Variants in FXR1 observed in about 807,000 individuals in gnomAD.
FXR1 encodes the protein RNA-binding protein FXR1.
In FXR1, 15 loss-of-function variants were observed where a neutral mutation model predicts 84.0. The ratio of observed to expected loss-of-function variants is 0.18; its 90% confidence interval spans 0.12 to 0.27. The LOEUF (loss-of-function observed/expected upper bound fraction) is 0.27. FXR1 is among the 10% of genes least tolerant of loss of function. The pLI, the probability that FXR1 is intolerant of heterozygous loss-of-function variation, is 1.00. For synonymous variants in FXR1, 245 were observed against 250.7 expected, an observed-to-expected ratio of 0.98 and a Z score of 0.21; for missense variants, 480 against 774.4, an observed-to-expected ratio of 0.62 and a Z score of 4.51.
chr3:180,941,698 G>C (rs1397562704), intron 3 of FXR1, among the ~76,000 whole-genome samples: 1 of 152,092 alleles, frequency 6.6e-6, no homozygotes, highest in Non-Finnish European at 1.5e-5. Context: ...TTTGTTACTT[G>C]TTTTTGTCTT....
At chr3:180,951,811 A>G (rs1029150171) in intron 8 of FXR1, among the ~76,000 whole-genome samples, 2 of 152,232 alleles carry the variant, frequency 1.3e-5, no homozygotes, top group Non-Finnish European at 2.9e-5. Flanking sequence ...TAAATGGCAT[A>G]TATTAGAATA....
intron 1 of FXR1, among the ~76,000 whole-genome samples, chr3:180,923,967 G>GT (rs1236584744): frequency 4.0e-4 from 60 of 150,432 alleles, no homozygotes; most frequent in East Asian, 1.2e-3. Flanking sequence ...TTGAGTTTCT[G>GT]TTTTTTTTTG....
chr3:180,930,838 C>T (rs559338341), intron 1 of FXR1, among the ~76,000 whole-genome samples: 1 of 151,964 alleles, frequency 6.6e-6, no homozygotes, highest in African/African-American at 2.4e-5. Context: ...AGTTCGAGAC[C>T]AGCCTGGCCC....
intron 5 of FXR1, 53 bp from the exon 6 acceptor site, chr3:180,948,668 C>T: frequency 9.7e-7 from 1 of 1,035,172 alleles, no homozygotes; most frequent in Non-Finnish European, 1.5e-6. Flanking sequence ...TGTGACTCTC[C>T]TCTGACTTTA....
At chr3:180,942,485 A>T (rs1721246952) in intron 3 of FXR1, among the ~76,000 whole-genome samples, 1 of 151,542 alleles carries the variant, frequency 6.6e-6, no homozygotes. Flanking sequence ...TAAATCACTC[A>T]CATTTGTTTG....
intron 1 of FXR1, among the ~76,000 whole-genome samples, chr3:180,916,204 A>G (rs1013907676): frequency 2.6e-5 from 4 of 152,218 alleles, no homozygotes; most frequent in Non-Finnish European, 5.9e-5. Context: ...TTTTAAGTGT[A>G]CAGTTGAATG....
intron 1 of FXR1, among the ~76,000 whole-genome samples, chr3:180,913,492 C>G (rs191873497): frequency 6.6e-6 from 1 of 151,898 alleles, no homozygotes; most frequent in Non-Finnish European, 1.5e-5. Flanking sequence ...TATCACTGCC[C>G]CTGTTTTTGG....
rs1033572057 is a variant in FXR1 at position 180,981,586 on chromosome 3, TC to T, written c.*5295del. ...AGAGGCTAAGTGACTCACAAAAATC[TC>T]TGATATTGAGGTCTAATGTGAAGGC... On this transcript the variant is annotated 3_prime_UTR_variant, in exon 17 of 17. Transcript: ENST00000357559. 1.3e-5 allele frequency: 2 copies of T among 152,052 alleles called. No homozygotes were observed. Among genetic ancestry groups the T allele is most frequent in the Non-Finnish European group, 2.9e-5 (2 of 67,980 alleles). 9.4% of individuals were successfully genotyped at this position (152,052 alleles called of 1,614,324 possible).
chr3:180,938,298 T>C (rs1024575538), intron 3 of FXR1, among the ~76,000 whole-genome samples: 1 of 152,238 alleles, frequency 6.6e-6, no homozygotes, highest in African/African-American at 2.4e-5. Context: ...TATACTTTTA[T>C]TAACACTGGA....
chr3:180,969,134 T>C (rs1713216519), intron 14 of FXR1, among the ~76,000 whole-genome samples: 1 of 105,122 alleles, frequency 9.5e-6, no homozygotes. Flanking sequence ...ACTTGTTCTT[T>C]GTTTGTTTAG....
chr3:180,935,246 G>A lies in FXR1; in HGVS notation c.198+15G>A, dbSNP rs562203008. On this transcript the variant is annotated intron_variant, in intron 3 of 16. Transcript: ENST00000357559. ...ATGAAGTAGAGGTATGTATTTTTAA[G>A]TTTATTTTCTTGTGTCTATTTTTTT... 2.3e-5 allele frequency: 26 copies of A among 1,128,430 alleles called. No individual in the cohort carries two copies. In the South Asian group the frequency reaches 3.1e-4, roughly 13 times the overall value. 69.9% of individuals were successfully genotyped at this position (1,128,430 alleles called of 1,614,324 possible). A position where few individuals can be genotyped will look rare whatever the true frequency, so the allele number is the denominator to read the frequency against.
chr3:180,958,229 T>TC (rs1367427943), intron 10 of FXR1, among the ~76,000 whole-genome samples: 2 of 152,276 alleles, frequency 1.3e-5, no homozygotes, highest in Admixed American at 1.3e-4. Flanking sequence ...AACTTGATAC[T>TC]CCAAAAGGAA....
At position 180,935,118 on chromosome 3, in the gene FXR1, C is replaced by T. The variant is rs748390361; in HGVS notation, c.105-20C>T. The T allele has an allele frequency of 8.2e-6, 10 of 1,214,760 alleles. No homozygotes were observed. Among genetic ancestry groups the T allele is most frequent in the Middle Eastern group, 1.9e-4 (1 of 5,250 alleles). The allele number at this position is 1,214,760 out of a possible 1,614,324, so 75.2% of individuals were successfully genotyped here. On this transcript the variant is annotated intron_variant, in intron 2 of 16. Coordinates refer to ENST00000357559, the MANE Select transcript of FXR1 (RefSeq NM_005087.4). ...ACTATATATTTTTAAGTTGTTAATA[C>T]ACCTTTTCTAATCCTTCAGTTGGCA...
intron 2 of FXR1, among the ~76,000 whole-genome samples, chr3:180,934,619 A>G (rs1006501890): frequency 6.6e-6 from 1 of 152,244 alleles, no homozygotes; most frequent in Admixed American, 6.5e-5. Flanking sequence ...CAGCTATTCA[A>G]AATAATTGCT....
chr3:180,914,826 CTG>C, intron 1 of FXR1: 1 of 984,936 alleles, frequency 1.0e-6, no homozygotes, highest in Non-Finnish European at 1.2e-6. Context: ...CACTAGCCAC[CTG>C]TGTGTGCACT....
chr3:180,945,446 C>G (rs936745332), intron 3 of FXR1, among the ~76,000 whole-genome samples: 3 of 152,112 alleles, frequency 2.0e-5, no homozygotes, highest in South Asian at 4.1e-4. Context: ...GTTCTGTCAC[C>G]CAGGGTTGAG....
chr3:180,954,113 A>G (rs1338851818), intron 9 of FXR1: 1 of 287,500 alleles, frequency 3.5e-6, no homozygotes, highest in East Asian at 7.1e-5. Context: ...GTTTTTCATC[A>G]GTCTTTTCAT....
Position 180,963,131 on chromosome 3 carries a change from T to G in FXR1, c.1198+41T>G, listed in dbSNP as rs113880919. ...TTTTTTTTTTTTTTGGTAATAGTAA[T>G]AATAGTAGTTATAGTTTAGGTGCTC... On this transcript the variant is annotated intron_variant, in intron 13 of 16. Coordinates refer to ENST00000357559, the MANE Select transcript of FXR1 (RefSeq NM_005087.4). The G allele has an allele frequency of 4.0e-5, 31 of 781,880 alleles. No homozygotes were observed. In the African/African-American group the frequency reaches 4.3e-4, roughly 11 times the overall value. 48.4% of individuals were successfully genotyped at this position (781,880 alleles called of 1,614,324 possible). A position where few individuals can be genotyped will look rare whatever the true frequency, so the allele number is the denominator to read the frequency against.
chr3:180,952,951 G>A (rs1722383516), intron 8 of FXR1, among the ~76,000 whole-genome samples: 1 of 151,196 alleles, frequency 6.6e-6, no homozygotes, highest in Admixed American at 6.6e-5. Context: ...TCTGGCCTCA[G>A]CCTCTTGAAT....
Sources: gnomAD v4.1 joint callset for allele counts (sites outside exome capture counted in the v4.1 genomes callset) on GRCh38, gnomAD v4.1.1 for gene constraint, MANE v1.5 for transcripts, NCBI Gene and HGNC (gene_info 2026-07-23, HGNC 2026-07-21) for gene names.